The following GLIS3 variants were observed in gnomAD, a reference collection of about 807,000 sequenced individuals.
The protein encoded by GLIS3 is GLIS family zinc finger 3, also known as zinc finger protein GLIS3.
Under a neutral mutation model 78.6 loss-of-function variants are expected in GLIS3, and 53 were observed. That is an observed-to-expected ratio of 0.67 (90% confidence interval 0.54 to 0.85). The LOEUF is 0.85. Ranked by LOEUF, GLIS3 falls within the 40% of genes least tolerant of loss-of-function variation. GLIS3 has a pLI of 0.00. For missense variants in GLIS3, 1,703 were observed against 1,231.1 expected, an observed-to-expected ratio of 1.38 and a Z score of -5.74; for synonymous variants, 684 against 509.9, an observed-to-expected ratio of 1.34 and a Z score of -4.60.
chr9:3,955,510 T>TA (rs1817039395), intron 4 of GLIS3, among the ~76,000 whole-genome samples: 1 of 152,128 alleles, frequency 6.6e-6, no homozygotes. Flanking sequence ...CCACAAGAGA[T>TA]ATTATATATG....
intron 4 of GLIS3, among the ~76,000 whole-genome samples, chr9:3,965,301 C>T (rs571639776): frequency 1.4e-5 from 2 of 145,548 alleles, no homozygotes; most frequent in Admixed American, 1.4e-4. Flanking sequence ...TCAAGCGATT[C>T]TCCTGCCTCA....
chr9:3,949,103 G>C (rs756674369), intron 4 of GLIS3, among the ~76,000 whole-genome samples: 10 of 152,162 alleles, frequency 6.6e-5, no homozygotes, highest in Non-Finnish European at 1.2e-4. Flanking sequence ...AATTCCAAAG[G>C]AATGTTATTT....
intron 4 of GLIS3, among the ~76,000 whole-genome samples, chr9:4,072,704 C>A (rs1827713238): frequency 6.6e-6 from 1 of 151,550 alleles, no homozygotes; most frequent in African/African-American, 2.4e-5. Context: ...ACCGAGATTT[C>A]TGCACATGAC....
At chr9:4,435,776 T>C in the GLIS3 span, among the ~76,000 whole-genome samples, 33,734 of 151,814 alleles carry the variant, frequency 0.22, 4,162 homozygotes, top group Middle Eastern at 0.32. Context: ...AGTGAAACCC[T>C]ATCTCTACTA....
upstream of GLIS3, among the ~76,000 whole-genome samples, chr9:4,349,743 G>C (rs947335695): frequency 1.3e-5 from 2 of 152,076 alleles, no homozygotes; most frequent in Non-Finnish European, 2.9e-5. Flanking sequence ...CTTTAAGCAG[G>C]GCTTGACAGC....
rs1203683357 is a variant in GLIS3, at chr9:4,058,425, G to A, written c.1710+59343C>T. On this transcript the variant is annotated intron_variant, in intron 4 of 10. Transcript: ENST00000381971. ...GATCTCTTTGACTTTCCAGACTCCC[G>A]AGACATATTTCCTTTCCCCTATTTA... 4.0e-5 allele frequency among the ~76,000 whole-genome samples: 6 copies of A among 149,690 alleles called. No individual in the cohort carries two copies. The East Asian group carries it at 7.9e-4, about 20-fold the overall frequency.
At chr9:4,132,086 C>T (rs1478208771) in intron 2 of GLIS3, among the ~76,000 whole-genome samples, 1 of 151,058 alleles carries the variant, frequency 6.6e-6, no homozygotes, top group African/African-American at 2.4e-5. Flanking sequence ...CATGTCATCA[C>T]AGAAGAAAAG....
At chr9:4,166,898 G>C (rs1815893889) in intron 2 of GLIS3, among the ~76,000 whole-genome samples, 1 of 152,204 alleles carries the variant, frequency 6.6e-6, no homozygotes, top group African/African-American at 2.4e-5. Flanking sequence ...CCAGAGATGA[G>C]AGGAAGGAAG....
At chr9:4,136,026 C>T (rs951464014) in intron 2 of GLIS3, among the ~76,000 whole-genome samples, 17 of 152,120 alleles carry the variant, frequency 1.1e-4, no homozygotes, top group African/African-American at 2.7e-4. Context: ...TAAATGGCTA[C>T]GAACACCAAA....
chr9:4,052,122 A>C (rs1406107670), intron 4 of GLIS3, among the ~76,000 whole-genome samples: 1 of 152,228 alleles, frequency 6.6e-6, no homozygotes, highest in African/African-American at 2.4e-5. Flanking sequence ...GTTTAGGTTC[A>C]GTTATATTTT....
chr9:4,162,746 A>C (rs1210772786), intron 2 of GLIS3, among the ~76,000 whole-genome samples: 1 of 151,168 alleles, frequency 6.6e-6, no homozygotes, highest in Non-Finnish European at 1.5e-5. Context: ...AATCCCAGCT[A>C]GTCAGGAGGC....
chr9:4,242,118 A>T (rs181337834), intron 2 of GLIS3, among the ~76,000 whole-genome samples: 10 of 152,238 alleles, frequency 6.6e-5, no homozygotes, highest in African/African-American at 2.4e-4. Flanking sequence ...GTGCCCCAGG[A>T]GTCTGAGCAA....
intron 9 of GLIS3, among the ~76,000 whole-genome samples, chr9:3,846,230 C>T (rs140598446): frequency 6.6e-6 from 1 of 152,158 alleles, no homozygotes; most frequent in East Asian, 1.9e-4. Context: ...AAAAGCAATT[C>T]CCAAGTAACT....
intron 2 of GLIS3, among the ~76,000 whole-genome samples, chr9:4,146,098 T>C (rs1834203468): frequency 6.6e-6 from 1 of 152,204 alleles, no homozygotes; most frequent in Non-Finnish European, 1.5e-5. Context: ...TTTTTAATTA[T>C]TGACCTGATT....
chr9:4,201,672 GA>G (rs1387954119), intron 2 of GLIS3, among the ~76,000 whole-genome samples: 9 of 151,790 alleles, frequency 5.9e-5, no homozygotes, highest in Admixed American at 5.2e-4. Context: ...AAACACTGCT[GA>G]AAAAAAATCA....
the GLIS3 span, among the ~76,000 whole-genome samples, chr9:4,436,462 C>T: frequency 2.0e-5 from 3 of 152,072 alleles, no homozygotes; most frequent in Non-Finnish European, 4.4e-5. Flanking sequence ...TCACTGCCAC[C>T]ATGACCCCCA....
chr9:4,091,943 T>A (rs958776579), intron 4 of GLIS3, among the ~76,000 whole-genome samples: 4 of 151,568 alleles, frequency 2.6e-5, no homozygotes, highest in Middle Eastern at 3.4e-3. Context: ...TAAAAAAAAA[T>A]GATACACTTG....
the GLIS3 span, among the ~76,000 whole-genome samples, chr9:4,477,295 G>A: frequency 3.0e-5 from 4 of 134,212 alleles, no homozygotes; most frequent in South Asian, 9.7e-4. Context: ...GATGCAAATT[G>A]AAATTAGCCA....
chr9:4,352,504 C>A (rs1423824239), upstream of GLIS3, among the ~76,000 whole-genome samples: 2 of 152,270 alleles, frequency 1.3e-5, no homozygotes, highest in Non-Finnish European at 1.5e-5. Context: ...CCCTGATTCC[C>A]AGGATCAGAG....
Sources: gnomAD v4.1 joint callset for allele counts (sites outside exome capture counted in the v4.1 genomes callset) on GRCh38, gnomAD v4.1.1 for gene constraint, MANE v1.5 for transcripts, NCBI Gene and HGNC (gene_info 2026-07-23, HGNC 2026-07-21) for gene names.